The following GPHN variants were observed in gnomAD, a reference collection of about 807,000 sequenced individuals.
The protein encoded by GPHN is gephyrin.
In GPHN, 17 loss-of-function variants were observed where a neutral mutation model predicts 95.5. The ratio of observed to expected loss-of-function variants is 0.18; its 90% confidence interval spans 0.12 to 0.27. GPHN has a LOEUF of 0.27. GPHN is among the 10% of genes least tolerant of loss of function. The probability of loss-of-function intolerance (pLI) is 1.00; values close to 1 mark genes in which losing one functional copy is unlikely to be tolerated. For synonymous variants in GPHN, 320 were observed against 322.5 expected (o/e 0.99, Z 0.08); for missense variants, 660 against 978.1 (o/e 0.67, Z 4.34).
At chr14:66,707,386 G>A (rs1408116972) in intron 2 of GPHN, among the ~76,000 whole-genome samples, 1 of 152,030 alleles carries the variant, frequency 6.6e-6, no homozygotes, top group African/African-American at 2.4e-5. Flanking sequence ...CAGCACTCTT[G>A]ACAATAGCAA....
chr14:66,580,432 GAT>G (rs1480948734), intron 1 of GPHN, among the ~76,000 whole-genome samples: 1 of 151,254 alleles, frequency 6.6e-6, no homozygotes, highest in Non-Finnish European at 1.5e-5. Flanking sequence ...TTTTTTAAAA[GAT>G]AAAATTGACA....
chr14:67,200,184 A>G, the GPHN span: 1 of 1,147,168 alleles, frequency 8.7e-7, no homozygotes, highest in Middle Eastern at 2.3e-4. Flanking sequence ...GTATGCGTGG[A>G]CTTCCTCCAC....
the GPHN span, among the ~76,000 whole-genome samples, chr14:67,442,322 G>A: frequency 6.6e-6 from 1 of 152,108 alleles, no homozygotes; most frequent in African/African-American, 2.4e-5. Context: ...TGCACCCGTT[G>A]GTTCAGTGGG....
At chr14:66,749,865 A>G (rs1323529333) in intron 2 of GPHN, among the ~76,000 whole-genome samples, 1 of 151,266 alleles carries the variant, frequency 6.6e-6, no homozygotes, top group South Asian at 2.1e-4. Flanking sequence ...TTTTGTGAGC[A>G]TATAGTAGGT....
In GPHN at chr14:66,550,673, C is replaced by T. The variant is rs547969693; in HGVS notation, c.64+42082C>T. ...TTGTAAAAAGAAGAGTCAACTGATG[C>T]AGCAACTTCATTGTGGTTTTATTTT... is the stretch of plus-strand genomic sequence containing the variant. On this transcript the variant is annotated intron_variant, in intron 1 of 22. Transcript: ENST00000478722. Among the ~76,000 whole-genome samples, 34 of 152,296 alleles carry T rather than the reference C, an allele frequency of 2.2e-4. 1 individual carries two copies. Among genetic ancestry groups the T allele is most frequent in the Admixed American group, 1.8e-3 (28 of 15,296 alleles).
At chr14:67,157,243 A>G (rs1361191567) in intron 18 of GPHN, among the ~76,000 whole-genome samples, 1 of 152,190 alleles carries the variant, frequency 6.6e-6, no homozygotes, top group Non-Finnish European at 1.5e-5. Context: ...AAATTAAGGT[A>G]AAAAGGATTA....
At chr14:66,771,282 C>T (rs1171167758) in intron 2 of GPHN, among the ~76,000 whole-genome samples, 3 of 152,170 alleles carry the variant, frequency 2.0e-5, no homozygotes, top group Admixed American at 2.0e-4. Context: ...CATTTCCCTC[C>T]TTACCTAGCT....
intron 10 of GPHN, among the ~76,000 whole-genome samples, chr14:67,030,320 T>C (rs1011525099): frequency 6.6e-6 from 1 of 152,182 alleles, no homozygotes; most frequent in African/African-American, 2.4e-5. Context: ...AAATCTTTAG[T>C]GTTTATTATT....
intron 5 of GPHN, among the ~76,000 whole-genome samples, chr14:66,903,376 T>A (rs1292613634): frequency 5.3e-5 from 8 of 152,170 alleles, no homozygotes; most frequent in Non-Finnish European, 7.4e-5. Context: ...TTACAGTTGT[T>A]TACAGTTATG....
chr14:67,383,742 C>T, the GPHN span: 10 of 347,084 alleles, frequency 2.9e-5, no homozygotes, highest in South Asian at 1.9e-4. Flanking sequence ...TCCAGATTGG[C>T]ACCCCTTTCT....
the GPHN span, chr14:67,650,507 C>A: frequency 3.4e-6 from 2 of 583,260 alleles, no homozygotes; most frequent in Admixed American, 6.0e-5. Flanking sequence ...TAAAAGGTTT[C>A]TTTTAATCTA....
the GPHN span, chr14:67,674,274 G>A: frequency 1.8e-6 from 2 of 1,122,448 alleles, no homozygotes; most frequent in South Asian, 1.6e-5. Context: ...AGGACGCGGA[G>A]GGAGGAGACG....
At chr14:67,729,492 T>G in the GPHN span, 58 of 1,093,922 alleles carry the variant, frequency 5.3e-5, no homozygotes, top group Non-Finnish European at 5.6e-5. Flanking sequence ...GCAATCCAGG[T>G]TTGGGTTGGG....
At chr14:66,798,112 T>G (rs1032591713) in intron 3 of GPHN, among the ~76,000 whole-genome samples, 5 of 151,998 alleles carry the variant, frequency 3.3e-5, no homozygotes, top group Non-Finnish European at 5.9e-5. Flanking sequence ...TCTGTTGATA[T>G]GATGTATTAC....
chr14:66,998,853 C>T (rs1162765297), intron 9 of GPHN, among the ~76,000 whole-genome samples: 3 of 137,270 alleles, frequency 2.2e-5, no homozygotes, highest in Non-Finnish European at 1.6e-5. Flanking sequence ...AAAAACATTT[C>T]TCCACGTAGT....
chr14:67,656,412 T>G, the GPHN span: 2 of 1,601,184 alleles, frequency 1.2e-6, no homozygotes, highest in Middle Eastern at 1.8e-4. Flanking sequence ...CTGCCCAGAC[T>G]TACTCTACTC....
the GPHN span, among the ~76,000 whole-genome samples, chr14:67,697,386 A>G: frequency 2.0e-5 from 3 of 152,284 alleles, no homozygotes; most frequent in Non-Finnish European, 4.4e-5. Context: ...GAGCAGAGGA[A>G]AGACCCCACC....
the GPHN span, among the ~76,000 whole-genome samples, chr14:67,326,025 C>T: frequency 1.7e-4 from 23 of 135,010 alleles, no homozygotes; most frequent in Non-Finnish European, 2.7e-4. Context: ...CTGGGTTTCA[C>T]CGTGTTAGCC....
chr14:66,554,709 G>A (rs1364747493), intron 1 of GPHN, among the ~76,000 whole-genome samples: 2 of 152,136 alleles, frequency 1.3e-5, no homozygotes, highest in Non-Finnish European at 2.9e-5. Context: ...AACCATATCA[G>A]CTGTCAATTA....
Sources: allele counts gnomAD v4.1 joint callset (sites outside exome capture counted in the v4.1 genomes callset), GRCh38; gene constraint gnomAD v4.1.1; transcripts MANE v1.5; gene names NCBI Gene and HGNC (gene_info 2026-07-23, HGNC 2026-07-21).